The following TRIM37 variants were observed in gnomAD, a reference collection of about 807,000 sequenced individuals.
TRIM37 encodes the protein tripartite motif containing 37, also known as E3 ubiquitin-protein ligase TRIM37.
TRIM37 carries 80 observed loss-of-function variants against 129.8 expected under a neutral mutation model. The observed-to-expected ratio is 0.62, with a 90% CI of 0.51 to 0.74. TRIM37 has a LOEUF of 0.74. Ranked by LOEUF, TRIM37 falls within the 30% of genes least tolerant of loss-of-function variation. TRIM37 has a pLI of 0.00. For synonymous variants in TRIM37, 389 were observed against 387.1 expected, an observed-to-expected ratio of 1.00 and a Z score of -0.06; for missense variants, 1,054 against 1,176.5, an observed-to-expected ratio of 0.90 and a Z score of 1.52.
At chr17:59,084,972 AT>A (rs1769287139) in intron 4 of TRIM37, among the ~76,000 whole-genome samples, 1 of 152,224 alleles carries the variant, frequency 6.6e-6, no homozygotes. Context: ...AGTTAGCAGT[AT>A]TGTTATGAAA....
intron 19 of TRIM37, among the ~76,000 whole-genome samples, chr17:59,026,974 T>A (rs1049344896): frequency 6.6e-6 from 1 of 152,232 alleles, no homozygotes; most frequent in Middle Eastern, 3.2e-3. Context: ...CTCCTATTTA[T>A]CAGATCTTTA....
chr17:58,990,139 A>G (rs1285902140), intron 24 of TRIM37, among the ~76,000 whole-genome samples: 1 of 126,080 alleles, frequency 7.9e-6, no homozygotes, highest in Non-Finnish European at 1.6e-5. Flanking sequence ...TGATCATGCC[A>G]CTGCTCTCCA....
intron 24 of TRIM37, among the ~76,000 whole-genome samples, chr17:58,986,461 C>A (rs1450691598): frequency 1.3e-5 from 2 of 151,436 alleles, no homozygotes; most frequent in Non-Finnish European, 2.9e-5. Flanking sequence ...CCTCGGCCTC[C>A]CTAAGTGCAT....
the TRIM37 span, chr17:58,972,337 T>C: frequency 5.2e-6 from 8 of 1,530,678 alleles, no homozygotes; most frequent in Non-Finnish European, 7.1e-6. Flanking sequence ...TTTCTAGTTA[T>C]TGATTAGGAT....
chr17:59,036,613 G>A (rs2038541230), intron 17 of TRIM37, among the ~76,000 whole-genome samples: 1 of 151,962 alleles, frequency 6.6e-6, no homozygotes, highest in African/African-American at 2.4e-5. Flanking sequence ...CTCCCAAGTA[G>A]CCAGGACTAC....
chr17:58,989,256 C>T (rs1017164606), intron 24 of TRIM37, among the ~76,000 whole-genome samples: 8 of 151,674 alleles, frequency 5.3e-5, no homozygotes, highest in East Asian at 1.9e-4. Flanking sequence ...GTCAACATGG[C>T]GAAACCCCGT....
At chr17:59,077,267 CTTTT>C (rs757122066) in intron 7 of TRIM37, among the ~76,000 whole-genome samples, 3 of 124,436 alleles carry the variant, frequency 2.4e-5, no homozygotes, top group African/African-American at 3.0e-5. Flanking sequence ...GCTAATTTTT[CTTTT>C]TTTTTTTTTT....
At chr17:59,018,724 T>G (rs918867172) in intron 19 of TRIM37, among the ~76,000 whole-genome samples, 24 of 148,822 alleles carry the variant, frequency 1.6e-4, no homozygotes, top group Non-Finnish European at 3.0e-4. Flanking sequence ...GTAGCTGTGT[T>G]TTTTTTTTTT....
Position 59,015,590 on chromosome 17 carries a change from T to A in TRIM37, c.2576+20A>T, listed in dbSNP as rs970832845. 3.7e-6 allele frequency: 6 copies of A among 1,613,238 alleles called. No individual in the cohort carries two copies. The highest frequency in any genetic ancestry group is 1.1e-5 in the South Asian group (1 of 91,052). ...CTATTAGCTATTATACCATTACATA[T>A]ACAAAACAACTTAATTTACCCCAAG... On this transcript the variant is annotated intron_variant, in intron 21 of 23. Coordinates refer to ENST00000262294, the MANE Select transcript of TRIM37 (RefSeq NM_015294.6).
chr17:59,079,911 G>T, intron 6 of TRIM37, 34 bp from the exon 7 acceptor site: 1 of 1,607,514 alleles, frequency 6.2e-7, no homozygotes, highest in South Asian at 1.1e-5. Context: ...AATTTTAATT[G>T]GGTAAATTTT....
intron 16 of TRIM37, among the ~76,000 whole-genome samples, chr17:59,046,305 G>A (rs916085428): frequency 5.3e-5 from 8 of 152,022 alleles, no homozygotes; most frequent in Non-Finnish European, 1.2e-4. Flanking sequence ...GAAACCTGGC[G>A]GATGCTACCT....
At chr17:59,032,777 A>C (rs2038033993) in intron 17 of TRIM37, among the ~76,000 whole-genome samples, 1 of 152,138 alleles carries the variant, frequency 6.6e-6, no homozygotes, top group Admixed American at 6.5e-5. Flanking sequence ...AAATTCCCAT[A>C]GTATAACAGA....
Position 58,998,331 on chromosome 17 carries a change from A to G in TRIM37, c.*1046T>C, listed in dbSNP as rs1031200749. ...ATATTCACTAAGTAAAATACAGCAG[A>G]TGAGATGTCTCTCACATGTATATTT... On this transcript the variant is annotated 3_prime_UTR_variant, in exon 24 of 24. Transcript: ENST00000262294. The G allele has an allele frequency of 3.0e-6, 3 of 985,278 alleles. No homozygotes were observed. In the African/African-American group the frequency reaches 5.2e-5, roughly 17 times the overall value. The allele number at this position is 985,278 out of a possible 1,614,324, so 61.0% of individuals were successfully genotyped here.
the TRIM37 span, chr17:58,969,619 C>A: frequency 1.2e-6 from 2 of 1,614,128 alleles, no homozygotes; most frequent in Non-Finnish European, 8.5e-7. Flanking sequence ...CCATTCACCT[C>A]CACGTTAACT....
the TRIM37 span, among the ~76,000 whole-genome samples, chr17:58,973,580 T>C: frequency 6.6e-6 from 1 of 151,798 alleles, no homozygotes; most frequent in African/African-American, 2.4e-5. Flanking sequence ...TTTGGGAGGC[T>C]GAAGAGGGTT....
intron 24 of TRIM37, among the ~76,000 whole-genome samples, chr17:58,993,174 T>G (rs112852954): frequency 0.043 from 6,602 of 152,286 alleles, 366 homozygotes; most frequent in African/African-American, 0.13. Context: ...ACATGAGATG[T>G]GCCTTTTACC....
chr17:59,083,070 T>C (rs1396545149), intron 5 of TRIM37, among the ~76,000 whole-genome samples: 2 of 152,204 alleles, frequency 1.3e-5, no homozygotes, highest in Non-Finnish European at 1.5e-5. Flanking sequence ...TTATTTTTCC[T>C]AAGAATCTAT....
chr17:58,977,747 A>G (rs923717205), downstream of TRIM37, among the ~76,000 whole-genome samples: 9 of 152,130 alleles, frequency 5.9e-5, no homozygotes, highest in African/African-American at 2.2e-4. Flanking sequence ...AATGTTGGAA[A>G]GAAACTTTTT....
Position 59,042,430 on chromosome 17 carries a change from TTAAAAAAAAAAA to T in TRIM37, c.1668-544_1668-533del, listed in dbSNP as rs1319619248. ...TTAGAAAGCTAAGAAAAAAAGGAAT[TTAAAAAAAAAAA>T]AAAAAAAATATATATATATATATAT... On this transcript the variant is annotated intron_variant, in intron 16 of 23. Transcript: ENST00000262294. Among the ~76,000 whole-genome samples, 109 of 92,112 alleles carry T rather than the reference TTAAAAAAAAAAA, an allele frequency of 1.2e-3. 4 individuals carry two copies. The highest frequency in any genetic ancestry group is 3.5e-3 in the South Asian group (11 of 3,102). The allele number at this position is 92,112 out of a possible 152,430, so 60.4% of individuals were successfully genotyped here.
Sources: allele counts gnomAD v4.1 joint callset (sites outside exome capture counted in the v4.1 genomes callset), GRCh38; gene constraint gnomAD v4.1.1; transcripts MANE v1.5; gene names NCBI Gene and HGNC (gene_info 2026-07-23, HGNC 2026-07-21).